Variants in TENM2 observed in about 807,000 individuals in gnomAD.
TENM2 encodes the protein teneurin-2.
A neutral mutation model predicts 245.2 loss-of-function variants in TENM2; 52 were observed. The observed-to-expected ratio is 0.21, with a 90% CI of 0.17 to 0.27. The LOEUF (loss-of-function observed/expected upper bound fraction) is 0.27. Ranked by LOEUF, TENM2 falls within the 10% of genes least tolerant of loss-of-function variation. The pLI, the probability that TENM2 is intolerant of heterozygous loss-of-function variation, is 1.00. For synonymous variants in TENM2, 1,363 were observed against 1,438.9 expected (o/e 0.95, Z 1.19); for missense variants, 3,046 against 3,666.8 (o/e 0.83, Z 4.37).
At chr5:167,325,930 G>T (rs529075145) in intron 1 of TENM2, among the ~76,000 whole-genome samples, 2 of 152,232 alleles carry the variant, frequency 1.3e-5, no homozygotes, top group South Asian at 4.2e-4. Context: ...AATAAATGGA[G>T]CAATGGCATA....
At chr5:167,823,187 C>T (rs961215485) in intron 2 of TENM2, among the ~76,000 whole-genome samples, 10 of 151,988 alleles carry the variant, frequency 6.6e-5, no homozygotes, top group African/African-American at 2.2e-4. Context: ...TTTCAAAGTG[C>T]TGAAATAGAG....
Position 167,626,881 on chromosome 5 carries a change from GC to G in TENM2, c.503-249103del, listed in dbSNP as rs1462877505. 2.0e-5 allele frequency among the ~76,000 whole-genome samples: 3 copies of G among 152,278 alleles called. 1 individual carries two copies. The highest frequency in any genetic ancestry group is 6.8e-3 in the Middle Eastern group (2 of 294). On this transcript the variant is annotated intron_variant, in intron 2 of 28. Coordinates refer to ENST00000518659, the Ensembl canonical transcript of TENM2. ...CATCCCCAAAGGCAGTAACACCGGGGCCGCCACAGTGGTAAGCTCACTGGCC... is the reference window on the plus strand; with the variant it reads ...CATCCCCAAAGGCAGTAACACCGGGGCGCCACAGTGGTAAGCTCACTGGCC...
intron 1 of TENM2, among the ~76,000 whole-genome samples, chr5:167,329,688 TATTGA>T (rs1312445997): frequency 2.0e-5 from 3 of 151,692 alleles, no homozygotes; most frequent in Non-Finnish European, 4.4e-5. Flanking sequence ...TTGAGGAAAT[TATTGA>T]ATTGATCCAG....
chr5:167,244,701 C>G, the TENM2 span, among the ~76,000 whole-genome samples: 1 of 152,066 alleles, frequency 6.6e-6, no homozygotes, highest in East Asian at 1.9e-4. Flanking sequence ...ACTGTACCTC[C>G]GAGGGATAGG....
intron 2 of TENM2, among the ~76,000 whole-genome samples, chr5:167,458,100 C>T (rs1398798536): frequency 6.6e-6 from 1 of 151,972 alleles, no homozygotes; most frequent in Non-Finnish European, 1.5e-5. Flanking sequence ...TCTTTACATT[C>T]CCAAACTTTT....
At chr5:167,821,965 A>C (rs2151041415) in intron 2 of TENM2, among the ~76,000 whole-genome samples, 1 of 152,216 alleles carries the variant, frequency 6.6e-6, no homozygotes, top group South Asian at 2.1e-4. Flanking sequence ...TTGTCTTGTG[A>C]AGGAAAAGTT....
chr5:167,366,232 C>T (rs1760045756), intron 1 of TENM2, among the ~76,000 whole-genome samples: 5 of 152,008 alleles, frequency 3.3e-5, no homozygotes, highest in African/African-American at 2.4e-5. Flanking sequence ...CTAAACAATA[C>T]ATGGATAACC....
chr5:167,881,839 A>G (rs1231806826), intron 3 of TENM2, among the ~76,000 whole-genome samples: 1 of 152,166 alleles, frequency 6.6e-6, no homozygotes, highest in African/African-American at 2.4e-5. Context: ...TTGGGCTATC[A>G]GCTCATGGCC....
intron 2 of TENM2, among the ~76,000 whole-genome samples, chr5:167,419,575 G>T (rs894327941): frequency 6.6e-6 from 1 of 152,114 alleles, no homozygotes; most frequent in African/African-American, 2.4e-5. Context: ...AGCCCTTCTT[G>T]GTCAGAATGA....
chr5:167,351,721 G>A (rs1353018802), intron 1 of TENM2, among the ~76,000 whole-genome samples: 4 of 152,152 alleles, frequency 2.6e-5, no homozygotes, highest in Admixed American at 2.0e-4. Flanking sequence ...ATAATGAAGG[G>A]ATGGTCCTAA....
intron 2 of TENM2, among the ~76,000 whole-genome samples, chr5:167,435,564 A>G (rs535037868): frequency 6.6e-6 from 1 of 152,330 alleles, no homozygotes; most frequent in Non-Finnish European, 1.5e-5. Context: ...TTTTATCAGC[A>G]GCATGAAAAT....
chr5:167,377,128 A>C (rs868255784), intron 2 of TENM2, among the ~76,000 whole-genome samples: 8 of 152,284 alleles, frequency 5.3e-5, no homozygotes, highest in African/African-American at 1.9e-4. Flanking sequence ...GGCACAAAAA[A>C]TGCTTGCCAT....
At chr5:167,675,752 T>G (rs989880650) in intron 2 of TENM2, among the ~76,000 whole-genome samples, 3 of 152,104 alleles carry the variant, frequency 2.0e-5, no homozygotes, top group African/African-American at 4.8e-5. Flanking sequence ...AGGGAGTAAA[T>G]GAGATCTGGT....
the TENM2 span, among the ~76,000 whole-genome samples, chr5:167,202,710 C>A: frequency 1.3e-5 from 2 of 152,078 alleles, no homozygotes; most frequent in African/African-American, 4.8e-5. Flanking sequence ...TCCATTACCC[C>A]AAATCAGGAC....
chr5:167,699,807 A>G (rs1200058557), intron 2 of TENM2, among the ~76,000 whole-genome samples: 1 of 152,176 alleles, frequency 6.6e-6, no homozygotes, highest in Admixed American at 6.5e-5. Flanking sequence ...TGAACAGTTT[A>G]CTATGCAGTA....
intron 2 of TENM2, among the ~76,000 whole-genome samples, chr5:167,630,703 A>C (rs2127791188): frequency 6.6e-6 from 1 of 152,298 alleles, no homozygotes. Flanking sequence ...AAAATGCAAT[A>C]ACCATTTATA....
At chr5:167,684,162 A>G (rs1311883714) in intron 2 of TENM2, among the ~76,000 whole-genome samples, 2 of 152,210 alleles carry the variant, frequency 1.3e-5, no homozygotes, top group Admixed American at 6.5e-5. Flanking sequence ...GGCCTCTGTG[A>G]TGAGGTCTCT....
At chr5:168,202,040 C>G (rs1224080886) in intron 17 of TENM2, among the ~76,000 whole-genome samples, 1 of 152,148 alleles carries the variant, frequency 6.6e-6, no homozygotes, top group Admixed American at 6.5e-5. Flanking sequence ...GTCCTTCCAT[C>G]AAGAGGCACC....
At chr5:167,827,540 A>G (rs1561826895) in intron 2 of TENM2, among the ~76,000 whole-genome samples, 1 of 147,696 alleles carries the variant, frequency 6.8e-6, no homozygotes, top group Non-Finnish European at 1.5e-5. Context: ...ATGTTAATAA[A>G]TACAGTATTG....
Sources: allele counts gnomAD v4.1 joint callset (sites outside exome capture counted in the v4.1 genomes callset), GRCh38; gene constraint gnomAD v4.1.1; transcripts MANE v1.5; gene names NCBI Gene and HGNC (gene_info 2026-07-23, HGNC 2026-07-21).